NCALD: variants seen among roughly 807,000 people sequenced by gnomAD.
NCALD encodes neurocalcin delta.
In NCALD, 10 loss-of-function variants were observed where a neutral mutation model predicts 18.6. The ratio of observed to expected loss-of-function variants is 0.54; its 90% CI spans 0.33 to 0.91. The LOEUF (loss-of-function observed/expected upper bound fraction) is 0.91. Ranked by LOEUF, NCALD falls within the 40% of genes least tolerant of loss-of-function variation. NCALD has a pLI of 0.03. For synonymous variants in NCALD, 88 were observed against 87.4 expected (o/e 1.01, Z -0.04); for missense variants, 184 against 247.6 (o/e 0.74, Z 1.72).
At chr8:102,080,650 G>A (rs1202232051) in intron 1 of NCALD, among the ~76,000 whole-genome samples, 1 of 152,230 alleles carries the variant, frequency 6.6e-6, no homozygotes, top group East Asian at 1.9e-4. Flanking sequence ...ACAAAAGTGT[G>A]GGCTCTGGGG....
chr8:101,949,021 CATCTT>C (rs534921624), intron 2 of NCALD, among the ~76,000 whole-genome samples: 30 of 152,250 alleles, frequency 2.0e-4, no homozygotes, highest in Non-Finnish European at 4.1e-4. Context: ...TTACAGAAAA[CATCTT>C]ATAGAGTTCA....
Position 101,740,299 on chromosome 8 carries a change from C to T in NCALD, c.-19-20651G>A, listed in dbSNP as rs1810130421. On this transcript the variant is annotated intron_variant, in intron 1 of 3. Coordinates refer to ENST00000220931, the MANE Select transcript of NCALD (RefSeq NM_032041.3). ...GGACTGAAATAAAGGCCAGTCCCTT[C>T]TTGCATGAGTCCATAGGACTTTCAC... Among the ~76,000 whole-genome samples the T allele has an allele frequency of 1.3e-5, 2 of 152,238 alleles. 1 individual carries two copies. The highest frequency in any genetic ancestry group is 4.1e-4 in the South Asian group (2 of 4,836).
At chr8:101,836,515 T>C (rs527732628) in intron 4 of NCALD, among the ~76,000 whole-genome samples, 2 of 152,302 alleles carry the variant, frequency 1.3e-5, no homozygotes, top group Non-Finnish European at 2.9e-5. Context: ...CCTTTGAGAT[T>C]TGACTGGAGT....
At chr8:101,719,779 G>T in intron 1 of NCALD, 131 bp from the exon 2 acceptor site, 1 of 825,812 alleles carries the variant, frequency 1.2e-6, no homozygotes, top group Non-Finnish European at 1.8e-6. Context: ...CAGTAACACT[G>T]TCTAGGTTTT....
chr8:102,119,789 T>C (rs908266635), intron 1 of NCALD, among the ~76,000 whole-genome samples: 2 of 152,202 alleles, frequency 1.3e-5, no homozygotes, highest in African/African-American at 4.8e-5. Flanking sequence ...CATTAGAATA[T>C]AAATTCCTAA....
At chr8:101,768,244 C>T (rs995273431) in intron 1 of NCALD, among the ~76,000 whole-genome samples, 6 of 152,304 alleles carry the variant, frequency 3.9e-5, no homozygotes, top group Middle Eastern at 3.4e-3. Context: ...CTAGTGCCCA[C>T]CAGAAATTTC....
intron 2 of NCALD, among the ~76,000 whole-genome samples, chr8:101,971,319 T>C (rs1171255421): frequency 6.6e-6 from 1 of 152,096 alleles, no homozygotes. Context: ...ACATGGTTGA[T>C]ATAGATTGGC....
At chr8:102,100,582 G>A (rs1825242341) in intron 1 of NCALD, among the ~76,000 whole-genome samples, 1 of 152,088 alleles carries the variant, frequency 6.6e-6, no homozygotes, top group African/African-American at 2.4e-5. Context: ...AATGCTTGAG[G>A]GACTCAGAGA....
At chr8:101,997,479 G>A (rs1005556318) in intron 2 of NCALD, among the ~76,000 whole-genome samples, 1 of 152,098 alleles carries the variant, frequency 6.6e-6, no homozygotes, top group Non-Finnish European at 1.5e-5. Context: ...AAACATCACT[G>A]CAGATAGGAG....
chr8:101,981,260 T>C (rs1162825279), intron 2 of NCALD, among the ~76,000 whole-genome samples: 1 of 152,220 alleles, frequency 6.6e-6, no homozygotes, highest in East Asian at 1.9e-4. Context: ...ATTTCTTGTA[T>C]GCATACCTAC....
chr8:102,018,838 T>C (rs375306310), intron 2 of NCALD, among the ~76,000 whole-genome samples: 3 of 152,280 alleles, frequency 2.0e-5, no homozygotes, highest in South Asian at 2.1e-4. Flanking sequence ...ACTTTGACCT[T>C]GTACTTCACA....
intron 1 of NCALD, among the ~76,000 whole-genome samples, chr8:102,116,147 T>A: frequency 6.6e-6 from 1 of 152,180 alleles, no homozygotes; most frequent in African/African-American, 2.4e-5. Flanking sequence ...TTAGGAGATA[T>A]ACCTAATGTA....
chr8:102,096,905 C>T (rs959835791), intron 1 of NCALD, among the ~76,000 whole-genome samples: 2 of 152,326 alleles, frequency 1.3e-5, no homozygotes, highest in East Asian at 3.9e-4. Context: ...AACCTGGACA[C>T]CCTCCACTGG....
intron 1 of NCALD, among the ~76,000 whole-genome samples, chr8:101,738,636 C>T (rs77423365): frequency 2.6e-5 from 4 of 151,474 alleles, no homozygotes; most frequent in South Asian, 2.1e-4. Context: ...ACGCTATCTG[C>T]GGTTGGCTTG....
At chr8:101,699,079 G>GAA (rs138888779) in intron 2 of NCALD, among the ~76,000 whole-genome samples, 2,573 of 148,160 alleles carry the variant, frequency 0.017, 43 homozygotes, top group East Asian at 0.058. Flanking sequence ...AATTTTACAG[G>GAA]AAAAAAAAAA....
intron 1 of NCALD, among the ~76,000 whole-genome samples, chr8:102,067,218 TG>T (rs1438939190): frequency 1.3e-5 from 2 of 152,202 alleles, no homozygotes; most frequent in African/African-American, 4.8e-5. Flanking sequence ...CTTATTTCTA[TG>T]TGTGCTCACT....
intron 4 of NCALD, among the ~76,000 whole-genome samples, chr8:101,828,595 A>G (rs548423033): frequency 6.6e-6 from 1 of 150,926 alleles, no homozygotes; most frequent in Non-Finnish European, 1.5e-5. Context: ...ATCACCACAA[A>G]CTTATATAAC....
intron 1 of NCALD, among the ~76,000 whole-genome samples, chr8:102,118,933 A>T (rs1004877411): frequency 6.6e-6 from 1 of 152,230 alleles, no homozygotes; most frequent in African/African-American, 2.4e-5. Flanking sequence ...AAAAGAAAAA[A>T]CAGAAAATAA....
chr8:101,770,778 G>A (rs1811554782), intron 1 of NCALD, among the ~76,000 whole-genome samples: 1 of 152,150 alleles, frequency 6.6e-6, no homozygotes, highest in East Asian at 1.9e-4. Flanking sequence ...TCAACACAGT[G>A]ATTTTTTAAA....
Sources: gnomAD v4.1 joint callset for allele counts (sites outside exome capture counted in the v4.1 genomes callset) on GRCh38, gnomAD v4.1.1 for gene constraint, MANE v1.5 for transcripts, NCBI Gene and HGNC (gene_info 2026-07-23, HGNC 2026-07-21) for gene names.